AUTS2: variants seen among roughly 807,000 people sequenced by gnomAD.
AUTS2 encodes the protein autism susceptibility gene 2 protein.
AUTS2 carries 17 observed loss-of-function variants against 112.4 expected under a neutral mutation model. The observed-to-expected ratio is 0.15, with a 90% confidence interval of 0.10 to 0.23. The LOEUF is 0.23. Ranked by LOEUF, AUTS2 falls within the 10% of genes least tolerant of loss-of-function variation. AUTS2 has a pLI of 1.00. For synonymous variants in AUTS2, 751 were observed against 702.7 expected (o/e 1.07, Z -1.09); for missense variants, 1,510 against 1,701.6 (o/e 0.89, Z 1.98).
intron 1 of AUTS2, among the ~76,000 whole-genome samples, chr7:69,892,222 G>A (rs949296158): frequency 2.7e-5 from 4 of 148,906 alleles, no homozygotes; most frequent in African/African-American, 7.5e-5. Context: ...GCCCAGGCTG[G>A]AGTGCAGTGG....
chr7:70,065,608 A>G (rs1283926598), intron 2 of AUTS2, among the ~76,000 whole-genome samples: 1 of 152,078 alleles, frequency 6.6e-6, no homozygotes, highest in Non-Finnish European at 1.5e-5. Context: ...GAGGCAGGAG[A>G]ATTGCTTGAA....
chr7:70,762,893 C>T lies in AUTS2; in HGVS notation c.766C>T (p.Leu256=). 1 of 1,613,880 alleles carries T rather than the reference C, an allele frequency of 6.2e-7. No homozygotes were observed. The highest frequency in any genetic ancestry group is 8.5e-7 in the Non-Finnish European group (1 of 1,179,872). The change falls in exon 7 of 19, where the codon CTA becomes TTA. Residue 256 remains leucine, a synonymous_variant. Coordinates refer to ENST00000342771, the MANE Select transcript of AUTS2 (RefSeq NM_015570.4). ...NKDPELGVGT[L]PEHDSQDAGP... ...AGATCCGGAGTTAGGTGTTGGCACG[C>T]TACCAGAACATGACAGCCAGGATGC...
intron 4 of AUTS2, among the ~76,000 whole-genome samples, chr7:70,189,262 T>C (rs1373189476): frequency 6.6e-6 from 1 of 152,070 alleles, no homozygotes; most frequent in African/African-American, 2.4e-5. Flanking sequence ...AAATATGGAA[T>C]TGGAGAAAGA....
At chr7:70,511,556 A>ATTGTC (rs1563005631) in intron 5 of AUTS2, among the ~76,000 whole-genome samples, 2 of 41,764 alleles carry the variant, frequency 4.8e-5, no homozygotes, top group African/African-American at 9.9e-5. Context: ...ACTTTTTTTC[A>ATTGTC]TTTTCTTTTT....
chr7:70,042,321 A>G (rs1801284340), intron 2 of AUTS2, among the ~76,000 whole-genome samples: 1 of 152,196 alleles, frequency 6.6e-6, no homozygotes. Flanking sequence ...CAAAGGATAA[A>G]AAAATTGATA....
chr7:70,506,595 C>T (rs2116707433), intron 5 of AUTS2, among the ~76,000 whole-genome samples: 1 of 152,264 alleles, frequency 6.6e-6, no homozygotes, highest in South Asian at 2.1e-4. Flanking sequence ...AATAATTATT[C>T]TCAGCTGTTC....
At chr7:70,531,474 T>C (rs1800086915) in intron 5 of AUTS2, among the ~76,000 whole-genome samples, 1 of 152,138 alleles carries the variant, frequency 6.6e-6, no homozygotes, top group African/African-American at 2.4e-5. Context: ...TTTGCAAGCA[T>C]GGTGCCAGCA....
At chr7:70,425,273 G>A (rs1478399010) in intron 4 of AUTS2, among the ~76,000 whole-genome samples, 1 of 152,228 alleles carries the variant, frequency 6.6e-6, no homozygotes, top group Non-Finnish European at 1.5e-5. Context: ...AGAAAATAGA[G>A]CAATTACCTA....
intron 2 of AUTS2, among the ~76,000 whole-genome samples, chr7:69,917,930 C>T (rs1309681906): frequency 6.6e-6 from 1 of 152,060 alleles, no homozygotes; most frequent in Non-Finnish European, 1.5e-5. Context: ...GCAACCTCCA[C>T]CTCCTGGGTT....
intron 1 of AUTS2, among the ~76,000 whole-genome samples, chr7:69,688,974 A>C (rs1330180805): frequency 1.3e-5 from 2 of 152,216 alleles, no homozygotes; most frequent in Admixed American, 6.5e-5. Context: ...ACATATAGAT[A>C]ATTTGATTTT....
chr7:69,676,781 A>T (rs1796585887), intron 1 of AUTS2, among the ~76,000 whole-genome samples: 1 of 150,936 alleles, frequency 6.6e-6, no homozygotes, highest in Non-Finnish European at 1.5e-5. Flanking sequence ...CCAGCCCTAA[A>T]TTCTTATTTA....
At chr7:70,220,804 C>T (rs1811439231) in intron 4 of AUTS2, among the ~76,000 whole-genome samples, 1 of 152,218 alleles carries the variant, frequency 6.6e-6, no homozygotes, top group African/African-American at 2.4e-5. Flanking sequence ...CCAATTCTTT[C>T]TTTCATGTCT....
chr7:69,689,629 C>T (rs183050314), intron 1 of AUTS2, among the ~76,000 whole-genome samples: 3,152 of 138,984 alleles, frequency 0.023, 105 homozygotes, highest in African/African-American at 0.077. Context: ...CGTGAGCCAC[C>T]GCACCCGGCC....
At chr7:69,626,554 A>T (rs1793958244) in intron 1 of AUTS2, among the ~76,000 whole-genome samples, 1 of 152,008 alleles carries the variant, frequency 6.6e-6, no homozygotes. Flanking sequence ...GTGATTGGAA[A>T]CCTTGTGTTT....
At chr7:70,246,361 TTCA>T (rs1338526564) in intron 4 of AUTS2, among the ~76,000 whole-genome samples, 2 of 152,146 alleles carry the variant, frequency 1.3e-5, no homozygotes, top group Non-Finnish European at 2.9e-5. Context: ...GGAATTAATC[TTCA>T]TGTATGATGT....
At chr7:70,203,118 C>A (rs1468180303) in intron 4 of AUTS2, among the ~76,000 whole-genome samples, 1 of 141,990 alleles carries the variant, frequency 7.0e-6, no homozygotes, top group Non-Finnish European at 1.5e-5. Flanking sequence ...ACCGCATATT[C>A]TCACTCATAG....
chr7:70,164,532 A>G (rs976821215), intron 4 of AUTS2, among the ~76,000 whole-genome samples: 1 of 152,136 alleles, frequency 6.6e-6, no homozygotes, highest in African/African-American at 2.4e-5. Flanking sequence ...TGGTTGGATT[A>G]AAAAATTTTT....
chr7:69,723,726 A>T (rs1416259307), intron 1 of AUTS2, among the ~76,000 whole-genome samples: 1 of 152,202 alleles, frequency 6.6e-6, no homozygotes, highest in Non-Finnish European at 1.5e-5. Flanking sequence ...AACTAGTAGA[A>T]GTCAGAAAGT....
intron 4 of AUTS2, among the ~76,000 whole-genome samples, chr7:70,213,182 A>C (rs1810997693): frequency 6.6e-6 from 1 of 152,122 alleles, no homozygotes; most frequent in Admixed American, 6.5e-5. Flanking sequence ...TTAAAAAAAG[A>C]AATAGATATC....
Sources: gnomAD v4.1 joint callset for allele counts (sites outside exome capture counted in the v4.1 genomes callset) on GRCh38, gnomAD v4.1.1 for gene constraint, MANE v1.5 for transcripts, NCBI Gene and HGNC (gene_info 2026-07-23, HGNC 2026-07-21) for gene names.